C2CD2L: variants seen among roughly 807,000 people sequenced by gnomAD.
The protein encoded by C2CD2L is phospholipid transfer protein C2CD2L.
In C2CD2L, 24 loss-of-function variants were observed where a neutral mutation model predicts 69.9. The observed-to-expected ratio is 0.34, with a 90% CI of 0.25 to 0.48. The LOEUF (loss-of-function observed/expected upper bound fraction) is 0.48, where lower values mean the gene tolerates loss of function less well. C2CD2L is among the 20% of genes least tolerant of loss of function. The probability of loss-of-function intolerance (pLI) is 0.99; values close to 1 mark genes in which losing one functional copy is unlikely to be tolerated. For missense variants in C2CD2L, 811 were observed against 941.5 expected, an observed-to-expected ratio of 0.86 and a Z score of 1.81; for synonymous variants, 367 against 391.0, an observed-to-expected ratio of 0.94 and a Z score of 0.72.
In C2CD2L at chr11:119,110,984, A is replaced by C; in HGVS notation, c.681+27A>C. 6.2e-7 allele frequency: 1 copy of C among 1,613,906 alleles called. No homozygotes were observed. The highest frequency in any genetic ancestry group is 8.5e-7 in the Non-Finnish European group (1 of 1,179,812). On this transcript the variant is annotated intron_variant, in intron 4 of 13. Transcript: ENST00000648610. The surrounding 1 kb of genome is among the most constrained non-coding windows in gnomAD (Gnocchi z 5.7). ...TAAGGAGGCAGAGCTGGCAGAGAAG[A>C]GGCAGAACGGGGAGGGAGGCAGAGG...
upstream of C2CD2L, among the ~76,000 whole-genome samples, chr11:119,102,860 CTTTTTTTTTTTTTTTTT>C (rs141575057): frequency 1.4e-4 from 6 of 43,412 alleles, no homozygotes; most frequent in African/African-American, 4.4e-4. Context: ...AATTCACCAG[CTTTTTTTTTTTTTTTTT>C]TTTTTTTTTT....
chr11:119,112,232 T>A, intron 7 of C2CD2L, 96 bp from the exon 8 acceptor site: 1 of 1,044,314 alleles, frequency 9.6e-7, no homozygotes, highest in Non-Finnish European at 1.4e-6. Context: ...GTTTTATTTA[T>A]GTACACAGCT....
At chr11:119,105,903 T>C (rs1192668498), upstream of C2CD2L, among the ~76,000 whole-genome samples, 1 of 152,136 alleles carries the variant, frequency 6.6e-6, no homozygotes, top group African/African-American at 2.4e-5. Context: ...CATAACCTGC[T>C]CCCCTAAACC....
intron 9 of C2CD2L, 31 bp downstream of exon 9, chr11:119,112,640 G>C: frequency 6.2e-6 from 10 of 1,607,522 alleles, no homozygotes; most frequent in Non-Finnish European, 8.5e-6. Context: ...GTAGGTGGGA[G>C]GACACAGGGG....
Position 119,107,684 on chromosome 11 carries a change from C to T in C2CD2L, c.-58C>T, listed in dbSNP as rs544905391. The T allele has an allele frequency of 7.7e-6, 9 of 1,164,394 alleles. No homozygotes were observed. The South Asian group carries it at 1.4e-4, about 18-fold the overall frequency. 72.1% of individuals were successfully genotyped at this position (1,164,394 alleles called of 1,614,324 possible). ...CTCCCCGCGGCCCGCCCGGGCCATG[C>T]TCCCCCGGGGCAGCGGGTGAGCCCC... On this transcript the variant is annotated 5_prime_UTR_variant, in exon 1 of 14. Coordinates refer to ENST00000648610, the MANE Select transcript of C2CD2L (RefSeq NM_001290474.2). The surrounding 1 kb of genome is among the most constrained non-coding windows in gnomAD (Gnocchi z 5.4).
chr11:119,114,327 C>T lies in C2CD2L; in HGVS notation c.1871C>T (p.Thr624Ile). The T allele has an allele frequency of 1.2e-6, 2 of 1,614,188 alleles. No homozygotes were observed. Among genetic ancestry groups the T allele is most frequent in the Non-Finnish European group, 1.7e-6 (2 of 1,180,022 alleles). ...VDDIESETGSTGALETRSLKD... is the reference protein window; with the variant it reads ...VDDIESETGSIGALETRSLKD... ...GATATTGAGTCGGAAACGGGGTCCA[C>T]TGGTGCCCTGGAGACCCGCAGCCTC... Residue 624 changes from threonine to isoleucine, a missense_variant, in exon 13 of 14, where the codon ACT (threonine) becomes ATT (isoleucine). By Grantham distance (89) the Thr-to-Ile change is moderately conservative. Transcript: ENST00000648610. The surrounding 1 kb of genome is among the most constrained non-coding windows in gnomAD (Gnocchi z 5.1).
chr11:119,112,889 C>T lies in C2CD2L; in HGVS notation c.1387+15C>T, dbSNP rs920687360. On this transcript the variant is annotated intron_variant, in intron 10 of 13. Coordinates refer to ENST00000648610, the MANE Select transcript of C2CD2L (RefSeq NM_001290474.2). The stretch of plus-strand genomic sequence containing the variant: ...CGGCAAATTAGGTAAAGAGAAGGAG[C>T]CTGGGAGCCCAGCTCTAGCCAGGGG... 3.7e-6 allele frequency: 6 copies of T among 1,611,222 alleles called. No individual in the cohort carries two copies. The highest frequency in any genetic ancestry group is 2.7e-5 in the African/African-American group (2 of 74,794).
At chr11:119,106,474 T>C (rs929363128), upstream of C2CD2L, among the ~76,000 whole-genome samples, 4 of 152,206 alleles carry the variant, frequency 2.6e-5, no homozygotes, top group Admixed American at 1.3e-4. Context: ...CCCAGTCCTG[T>C]AGAGGTTGAA....
chr11:119,112,930 C>T, intron 10 of C2CD2L, 56 bp downstream of exon 10: 1 of 1,467,294 alleles, frequency 6.8e-7, no homozygotes, highest in Non-Finnish European at 9.4e-7. Context: ...GACTGCAGAC[C>T]CAAGGCAGGA....
chr11:119,103,131 T>C (rs1006399431), upstream of C2CD2L, among the ~76,000 whole-genome samples: 1 of 152,022 alleles, frequency 6.6e-6, no homozygotes, highest in Non-Finnish European at 1.5e-5. Context: ...CCTCAGGTGA[T>C]CTGCCCGCCT....
intron 10 of C2CD2L, 35 bp from the exon 11 acceptor site, chr11:119,113,576 A>G: frequency 6.3e-7 from 1 of 1,592,492 alleles, no homozygotes; most frequent in Non-Finnish European, 8.5e-7. Context: ...ACTCTGAAGC[A>G]ACTCCCAGCT....
chr11:119,112,649 G>C (rs766335218), intron 9 of C2CD2L, 40 bp downstream of exon 9: 1 of 1,608,544 alleles, frequency 6.2e-7, no homozygotes, highest in South Asian at 1.1e-5. Flanking sequence ...AGGACACAGG[G>C]GATGGGCAGT....
rs1946913660 is a variant in C2CD2L at position 119,117,056 on chromosome 11, G to A, written c.*800G>A. On this transcript the variant is annotated 3_prime_UTR_variant, in exon 14 of 14. Transcript: ENST00000648610. ...GCACCTCTGTGTGTTGGGAGACGAT[G>A]ATGATGTCCATTGCTGTGTGATGGC... 6.5e-6 allele frequency: 1 copy of A among 152,686 alleles called. No individual in the cohort carries two copies. Among genetic ancestry groups the A allele is most frequent in the South Asian group, 2.1e-4 (1 of 4,830 alleles). 9.5% of individuals were successfully genotyped at this position (152,686 alleles called of 1,614,324 possible). A position where few individuals can be genotyped will look rare whatever the true frequency, so the allele number is the denominator to read the frequency against.
intron 4 of C2CD2L, 41 bp from the exon 5 acceptor site, chr11:119,111,011 G>A (rs1451110480): frequency 3.1e-6 from 5 of 1,612,884 alleles, no homozygotes; most frequent in Non-Finnish European, 4.2e-6. Flanking sequence ...AGGCAGAGGT[G>A]GGGGATCCAC....
At chr11:119,108,386 T>C (rs1946647429) in intron 1 of C2CD2L, 1 of 344,540 alleles carries the variant, frequency 2.9e-6, no homozygotes, top group Non-Finnish European at 5.2e-6. Context: ...ACTTCCGCCT[T>C]GCCTGGGTGC....
chr11:119,111,181 C>T lies in C2CD2L; in HGVS notation c.798+13C>T. The T allele has an allele frequency of 6.2e-7, 1 of 1,612,538 alleles. No individual in the cohort carries two copies. Among genetic ancestry groups the T allele is most frequent in the Non-Finnish European group, 8.5e-7 (1 of 1,178,764 alleles). On this transcript the variant is annotated intron_variant, in intron 5 of 13. Transcript: ENST00000648610. ...CCCAGGAGGCCTGGTGAGTTGGCAC[C>T]CAAAGCAAAAGATTTGCATGCACCT...
Position 119,107,929 on chromosome 11 carries a change from T to C in C2CD2L, c.188T>C (p.Leu63Pro). 9 of 1,536,498 alleles carry C rather than the reference T, an allele frequency of 5.9e-6. No individual in the cohort carries two copies. Among genetic ancestry groups the C allele is most frequent in the Non-Finnish European group, 7.8e-6 (9 of 1,148,308 alleles). The stretch of plus-strand genomic sequence containing the variant: ...GAACCCGCGGGTTCCCTGCGGGAGC[T>C]GGGCGTGTGGCGCTCGCTGCTGCGG... ...AGEPAGSLRE[L>P]GVWRSLLRLR... The change falls in exon 1 of 14, where the codon CTG (leucine) becomes CCG (proline). Residue 63 changes from leucine (L) to proline (P), a missense_variant. Coordinates refer to ENST00000648610, the MANE Select transcript of C2CD2L (RefSeq NM_001290474.2). This position sits in a 1 kb window ranked among gnomAD's most constrained non-coding sequence, Gnocchi z 5.4.
chr11:119,115,944 C>G, intron 13 of C2CD2L, 101 bp from the exon 14 acceptor site: 1 of 924,024 alleles, frequency 1.1e-6, no homozygotes, highest in Non-Finnish European at 1.7e-6. Context: ...GGGACTGATC[C>G]TGTCCACATC....
rs1019122495 is a variant in C2CD2L, at chr11:119,107,644, G to A, written c.-98G>A. The stretch of plus-strand genomic sequence containing the variant: ...CCCCCGACCCCGCGCGCCCAGCCCC[G>A]GGGGAGCCCACCTCCTCCCCGCGGC... On this transcript the variant is annotated 5_prime_UTR_variant, in exon 1 of 14. Coordinates refer to ENST00000648610, the MANE Select transcript of C2CD2L (RefSeq NM_001290474.2). The surrounding 1 kb of genome is among the most constrained non-coding windows in gnomAD (Gnocchi z 5.4). The A allele has an allele frequency of 4.4e-6, 3 of 686,128 alleles. No homozygotes were observed. The highest frequency in any genetic ancestry group is 3.8e-5 in the African/African-American group (2 of 52,342). The allele number at this position is 686,128 out of a possible 1,614,324, so 42.5% of individuals were successfully genotyped here.
Sources: allele counts gnomAD v4.1 joint callset (sites outside exome capture counted in the v4.1 genomes callset), GRCh38; gene constraint gnomAD v4.1.1; non-coding constraint Gnocchi (gnomAD v3.1); transcripts MANE v1.5; gene names NCBI Gene and HGNC (gene_info 2026-07-23, HGNC 2026-07-21).